IBTK: variants seen among roughly 807,000 people sequenced by gnomAD.
The protein encoded by IBTK is BTK-binding protein.
In IBTK, 83 loss-of-function variants were observed where a neutral mutation model predicts 154.9. That is an observed-to-expected ratio of 0.54 (90% CI 0.45 to 0.64). The LOEUF (loss-of-function observed/expected upper bound fraction) is 0.64. Ranked by LOEUF, IBTK falls within the 30% of genes least tolerant of loss-of-function variation. The pLI, the probability that IBTK is intolerant of heterozygous loss-of-function variation, is 0.00. For missense variants in IBTK, 1,332 were observed against 1,584.6 expected, an observed-to-expected ratio of 0.84 and a Z score of 2.71; for synonymous variants, 515 against 536.1, an observed-to-expected ratio of 0.96 and a Z score of 0.54.
intron 2 of IBTK, among the ~76,000 whole-genome samples, chr6:82,235,244 G>A (rs1446098330): frequency 6.6e-6 from 1 of 152,128 alleles, no homozygotes; most frequent in East Asian, 1.9e-4. Context: ...CTAGCTCTGG[G>A]TTTGTGTCTG....
rs757605847 is a variant in IBTK at position 82,216,207 on chromosome 6, A to G, written c.1470T>C (p.Tyr490=). The G allele has an allele frequency of 1.9e-6, 3 of 1,602,958 alleles. No individual in the cohort carries two copies. Among genetic ancestry groups the G allele is most frequent in the South Asian group, 1.1e-5 (1 of 88,060 alleles). The change falls in exon 11 of 29, where the codon TAT becomes TAC. Residue 490 remains tyrosine, a synonymous_variant. Transcript: ENST00000306270. ...NLHNSSSDVS[Y]VSDINSVYER... is the part of the protein sequence containing the mutation. ...CATACACACTATTTATATCAGAGAC[A>G]TAAGACACATCTGATGAGGAATTGT...
chr6:82,186,449 A>G (rs1370559435), intron 25 of IBTK, among the ~76,000 whole-genome samples: 1 of 152,218 alleles, frequency 6.6e-6, no homozygotes, highest in African/African-American at 2.4e-5. Flanking sequence ...GCAATAAAAT[A>G]GTTTTACATT....
In IBTK at chr6:82,171,282, T is replaced by C; in HGVS notation, c.*143A>G. 1 of 537,774 alleles carries C rather than the reference T, an allele frequency of 1.9e-6. No homozygotes were observed. Among genetic ancestry groups the C allele is most frequent in the Non-Finnish European group, 3.1e-6 (1 of 319,240 alleles). 33.3% of individuals were successfully genotyped at this position (537,774 alleles called of 1,614,324 possible). On this transcript the variant is annotated 3_prime_UTR_variant, in exon 29 of 29. Coordinates refer to ENST00000306270, the MANE Select transcript of IBTK (RefSeq NM_015525.4). ...TATTTTTAATCATACAAACATTATA[T>C]GATTTAACTGCAGTAAAGAAATTAT...
intron 25 of IBTK, among the ~76,000 whole-genome samples, chr6:82,182,617 G>A (rs1000777236): frequency 2.0e-5 from 3 of 151,958 alleles, no homozygotes; most frequent in African/African-American, 7.2e-5. Context: ...TCCCAAATTT[G>A]GTGGAAGATA....
intron 1 of IBTK, 128 bp downstream of exon 1, chr6:82,247,434 T>TC (rs1771197320): frequency 5.1e-6 from 2 of 394,278 alleles, no homozygotes; most frequent in Non-Finnish European, 8.9e-6. Context: ...CAGAGTCCCC[T>TC]CCCCACGGTC....
At chr6:82,237,415 A>C (rs990438245) in intron 2 of IBTK, among the ~76,000 whole-genome samples, 41 of 152,290 alleles carry the variant, frequency 2.7e-4, no homozygotes, top group Admixed American at 1.7e-3. Flanking sequence ...TAACAAACTT[A>C]AAAATGCTTT....
At chr6:82,204,449 A>T (rs1769322124) in intron 17 of IBTK, among the ~76,000 whole-genome samples, 1 of 152,160 alleles carries the variant, frequency 6.6e-6, no homozygotes, top group African/African-American at 2.4e-5. Context: ...TGCTTTGTTC[A>T]GATATATAAT....
At chr6:82,201,384 A>G in intron 19 of IBTK, 38 bp downstream of exon 19, 1 of 1,470,374 alleles carries the variant, frequency 6.8e-7, no homozygotes, top group South Asian at 1.2e-5. Flanking sequence ...TAAGCTGGTA[A>G]TATTATAGCC....
chr6:82,240,046 G>C (rs1363080365), intron 2 of IBTK, 120 bp downstream of exon 2: 2 of 735,448 alleles, frequency 2.7e-6, no homozygotes, highest in Non-Finnish European at 4.4e-6. Flanking sequence ...AGTAGTAAGA[G>C]ATAGCAAACA....
At chr6:82,186,286 CAT>C (rs902665894) in intron 25 of IBTK, among the ~76,000 whole-genome samples, 3 of 152,138 alleles carry the variant, frequency 2.0e-5, no homozygotes, top group African/African-American at 4.8e-5. Flanking sequence ...GAAAAAGTCA[CAT>C]GTCTCTCACT....
intron 25 of IBTK, chr6:82,189,097 T>C (rs764810682): frequency 4.9e-6 from 2 of 409,058 alleles, no homozygotes; most frequent in South Asian, 3.6e-5. Flanking sequence ...CTAATGTGAT[T>C]TGTAGAGAAA....
chr6:82,206,037 C>T (rs986944944), intron 16 of IBTK: 2 of 152,064 alleles, frequency 1.3e-5, no homozygotes, highest in African/African-American at 4.8e-5. Flanking sequence ...TTGTCATAAT[C>T]AACTTTTCCA....
At chr6:82,237,282 A>G (rs982913211) in intron 2 of IBTK, among the ~76,000 whole-genome samples, 1 of 152,138 alleles carries the variant, frequency 6.6e-6, no homozygotes, top group African/African-American at 2.4e-5. Context: ...ACAGATGGAA[A>G]AGGGTAAGAA....
chr6:82,243,171 G>A (rs1342561113), intron 1 of IBTK, among the ~76,000 whole-genome samples: 6 of 151,330 alleles, frequency 4.0e-5, no homozygotes, highest in Admixed American at 1.3e-4. Flanking sequence ...AACCTGGGAG[G>A]CGGAGCTTGC....
rs1399552657 is a variant in IBTK, at chr6:82,216,373, T to C, written c.1427-123A>G. ...GGAAATCTTTTTCACATATATTCAG[T>C]GTTTTTGAAGAACTACATCCTCTCT... On this transcript the variant is annotated intron_variant, in intron 10 of 28. Coordinates refer to ENST00000306270, the MANE Select transcript of IBTK (RefSeq NM_015525.4). 11 of 655,414 alleles carry C rather than the reference T, an allele frequency of 1.7e-5. No homozygotes were observed. In the East Asian group the frequency reaches 2.6e-4, roughly 15 times the overall value. The allele number at this position is 655,414 out of a possible 1,614,324, so 40.6% of individuals were successfully genotyped here. A position where few individuals can be genotyped will look rare whatever the true frequency, so the allele number is the denominator to read the frequency against.
At chr6:82,175,801 A>G (rs1768088494) in intron 26 of IBTK, among the ~76,000 whole-genome samples, 4 of 151,468 alleles carry the variant, frequency 2.6e-5, no homozygotes, top group African/African-American at 9.7e-5. Context: ...AGGCCGAGGC[A>G]GGCGGATCAC....
intron 17 of IBTK, among the ~76,000 whole-genome samples, chr6:82,202,929 C>T (rs1769264545): frequency 6.6e-6 from 1 of 152,082 alleles, no homozygotes; most frequent in South Asian, 2.1e-4. Flanking sequence ...AAAGCAAACA[C>T]ATAAGAACTG....
intron 27 of IBTK, chr6:82,172,821 A>G (rs1441838236): frequency 3.6e-6 from 1 of 280,534 alleles, no homozygotes; most frequent in Admixed American, 4.9e-5. Flanking sequence ...CAGAAGAACT[A>G]ATGTTTTATT....
At chr6:82,241,851 G>A (rs1770965009) in intron 1 of IBTK, among the ~76,000 whole-genome samples, 1 of 152,164 alleles carries the variant, frequency 6.6e-6, no homozygotes, top group South Asian at 2.1e-4. Flanking sequence ...ACATACTTGA[G>A]TTTACTATAT....
Sources: allele counts gnomAD v4.1 joint callset (sites outside exome capture counted in the v4.1 genomes callset), GRCh38; gene constraint gnomAD v4.1.1; transcripts MANE v1.5; gene names NCBI Gene and HGNC (gene_info 2026-07-23, HGNC 2026-07-21).